The following SETD5 variants were observed in gnomAD, a reference collection of about 807,000 sequenced individuals.
SETD5 encodes histone-lysine N-methyltransferase SETD5.
SETD5 carries 44 observed loss-of-function variants against 153.3 expected under a neutral mutation model. The ratio of observed to expected loss-of-function variants is 0.29; its 90% confidence interval spans 0.23 to 0.37. The LOEUF is 0.37. SETD5 is among the 10% of genes least tolerant of loss of function. The pLI, the probability that SETD5 is intolerant of heterozygous loss-of-function variation, is 1.00. For synonymous variants in SETD5, 716 were observed against 645.2 expected (o/e 1.11, Z -1.66); for missense variants, 1,544 against 1,768.0 (o/e 0.87, Z 2.27).
At chr3:9,447,010 A>T in intron 13 of SETD5, 40 bp from the exon 14 acceptor site, 1 of 1,520,286 alleles carries the variant, frequency 6.6e-7, no homozygotes. Flanking sequence ...ACTCGTCCTC[A>T]TTTGAAGCTT....
In SETD5 at chr3:9,475,913, C is replaced by T. The variant is rs1309389362; in HGVS notation, c.4151C>T (p.Ser1384Leu). The change falls in exon 23 of 23, where the codon TCA (serine) becomes TTA (leucine). Residue 1384 changes from serine to leucine, a missense_variant. Physicochemically the swap from Ser to Leu is moderately radical, Grantham distance 145. Around this residue, in one of 9 missense-constraint regions of SETD5, gnomAD observed 302 missense variants for 277.6 expected, o/e 1.09. Coordinates refer to ENST00000402198, the MANE Select transcript of SETD5 (RefSeq NM_001080517.3). The part of the protein sequence containing the change: ...FPQNSRSSLP[S>L]DLRTISLPSA... Reference sequence around the variant, plus strand: ...CAGAACTCTAGGTCGTCATTGCCATCAGACTTACGGACTATCAGTCTGCCC... The same window carrying T: ...CAGAACTCTAGGTCGTCATTGCCATTAGACTTACGGACTATCAGTCTGCCC... The T allele has an allele frequency of 3.7e-6, 6 of 1,613,948 alleles. No homozygotes were observed. The highest frequency in any genetic ancestry group is 5.1e-6 in the Non-Finnish European group (6 of 1,179,914).
Position 9,434,535 on chromosome 3 carries a change from T to C in SETD5, c.329+50T>C, listed in dbSNP as rs1390063359. ...TAAGTCTGGGTTGCTGGGATTAGGGTTTCTTACAAGTAGGGAAAAGCTCAA... is the reference window on the plus strand; with the variant it reads ...TAAGTCTGGGTTGCTGGGATTAGGGCTTCTTACAAGTAGGGAAAAGCTCAA... On this transcript the variant is annotated intron_variant, in intron 5 of 22. Transcript: ENST00000402198. This position sits in a 1 kb window ranked among gnomAD's most constrained non-coding sequence, Gnocchi z 5.6. 6.2e-7 allele frequency: 1 copy of C among 1,610,160 alleles called. No individual in the cohort carries two copies. The highest frequency in any genetic ancestry group is 1.7e-5 in the Admixed American group (1 of 59,606).
At chr3:9,425,923 G>T (rs754749400) in intron 2 of SETD5, among the ~76,000 whole-genome samples, 1 of 152,112 alleles carries the variant, frequency 6.6e-6, no homozygotes, top group African/African-American at 2.4e-5. Flanking sequence ...GGGAGGTACG[G>T]TGATAATCAG....
In SETD5 at chr3:9,437,814, C is replaced by G. The variant is rs569640293; in HGVS notation, c.567+1908C>G. ...GGTCAGGAATTCAAGACCAGCCTGGCCAACATGGTGAAACCCCATCTCTAC... is the reference window on the plus strand; with the variant it reads ...GGTCAGGAATTCAAGACCAGCCTGGGCAACATGGTGAAACCCCATCTCTAC... On this transcript the variant is annotated intron_variant, in intron 7 of 22. Transcript: ENST00000402198. Among the ~76,000 whole-genome samples, 5 of 152,034 alleles carry G rather than the reference C, an allele frequency of 3.3e-5. No homozygotes were observed. In the South Asian group the frequency reaches 1.0e-3, roughly 32 times the overall value.
chr3:9,457,004 G>C (rs7624635), intron 17 of SETD5, among the ~76,000 whole-genome samples: 1 of 151,284 alleles, frequency 6.6e-6, no homozygotes, highest in East Asian at 1.9e-4. Flanking sequence ...AAGAGAGGGA[G>C]GGAAGAAAGA....
chr3:9,472,690 C>G (rs1387407835), intron 19 of SETD5, among the ~76,000 whole-genome samples: 1 of 151,610 alleles, frequency 6.6e-6, no homozygotes, highest in Non-Finnish European at 1.5e-5. Context: ...GTTTTTCCTT[C>G]TCTCTCTCCC....
In SETD5 at chr3:9,428,901, G is replaced by A; in HGVS notation, c.-38G>A. 6.4e-7 allele frequency: 1 copy of A among 1,552,226 alleles called. No homozygotes were observed. The highest frequency in any genetic ancestry group is 8.9e-7 in the Non-Finnish European group (1 of 1,129,114). On this transcript the variant is annotated 5_prime_UTR_variant, in exon 3 of 23. An upstream open reading frame in the 5' UTR gains an earlier in-frame stop. Coordinates refer to ENST00000402198, the MANE Select transcript of SETD5 (RefSeq NM_001080517.3). Reference sequence around the variant, plus strand: ...TCAGAGTGGTCAGTCTCCATTAATTGGACCCCGTGATTTCCAATCTCTGCT... The same window carrying A: ...TCAGAGTGGTCAGTCTCCATTAATTAGACCCCGTGATTTCCAATCTCTGCT...
intron 3 of SETD5, 96 bp from the exon 4 acceptor site, chr3:9,433,749 T>C: frequency 8.0e-7 from 1 of 1,250,036 alleles, no homozygotes; most frequent in Non-Finnish European, 1.2e-6. Flanking sequence ...GGCTAGTGGT[T>C]GTGGAAAGAG....
intron 8 of SETD5, among the ~76,000 whole-genome samples, 183 bp downstream of exon 8, chr3:9,440,881 AT>A (rs919712748): frequency 6.6e-6 from 1 of 152,162 alleles, no homozygotes; most frequent in African/African-American, 2.4e-5. Context: ...CTGGATACAT[AT>A]TTTTAAACTA....
chr3:9,408,236 T>G lies in SETD5; in HGVS notation c.-177+10259T>G, dbSNP rs559307872. On this transcript the variant is annotated intron_variant, in intron 1 of 22. Transcript: ENST00000402198. Reference sequence around the variant, plus strand: ...ATAGAGCTCTTCTTATTCTGGAGTCTCCTGTGCTGCGATTTATCTGTTGAC... The same window carrying G: ...ATAGAGCTCTTCTTATTCTGGAGTCGCCTGTGCTGCGATTTATCTGTTGAC... 4.6e-5 allele frequency among the ~76,000 whole-genome samples: 7 copies of G among 152,330 alleles called. No individual in the cohort carries two copies. In the East Asian group the frequency reaches 1.3e-3, roughly 29 times the overall value.
At chr3:9,450,362 G>A (rs2042475841) in intron 16 of SETD5, among the ~76,000 whole-genome samples, 1 of 152,154 alleles carries the variant, frequency 6.6e-6, no homozygotes, top group East Asian at 1.9e-4. Context: ...AAGAGTTTAG[G>A]CTGCATACAC....
At chr3:9,410,879 T>C (rs1440554217) in intron 1 of SETD5, among the ~76,000 whole-genome samples, 3 of 149,702 alleles carry the variant, frequency 2.0e-5, no homozygotes, top group African/African-American at 2.5e-5. Context: ...AAAATTCTCT[T>C]TTTTTTTTTC....
rs549942378 is a variant in SETD5, at chr3:9,456,455, G to A, written c.2476+2587G>A. 8.6e-4 allele frequency among the ~76,000 whole-genome samples: 128 copies of A among 149,360 alleles called. 1 individual carries two copies. The highest frequency in any genetic ancestry group is 9.9e-5 in the African/African-American group (4 of 40,256). ...GCCACTCCACTCCAGCCTGGGTGAC[G>A]GAGGGAGATTCTGTCTTTAAAACTT... On this transcript the variant is annotated intron_variant, in intron 17 of 22. Coordinates refer to ENST00000402198, the MANE Select transcript of SETD5 (RefSeq NM_001080517.3).
At chr3:9,468,400 A>G (rs1575592442) in intron 18 of SETD5, 2 of 700,080 alleles carry the variant, frequency 2.9e-6, no homozygotes, top group East Asian at 1.4e-4. Flanking sequence ...TTCTTATTCA[A>G]CTTCCCCGCC....
In SETD5 at chr3:9,457,746, T is replaced by C. The variant is rs1205634616; in HGVS notation, c.2476+3878T>C. 2.7e-5 allele frequency among the ~76,000 whole-genome samples: 4 copies of C among 149,638 alleles called. No homozygotes were observed. The South Asian group carries it at 6.2e-4, about 23-fold the overall frequency. On this transcript the variant is annotated intron_variant, in intron 17 of 22. Transcript: ENST00000402198. ...AGGAAATGGAAATTTCTTTTTCTTT[T>C]TTTTTTTTTCATGAATCATACGTGA...
At chr3:9,410,877 C>CTTTTTTTTTT (rs34787440) in intron 1 of SETD5, among the ~76,000 whole-genome samples, 3 of 146,110 alleles carry the variant, frequency 2.1e-5, no homozygotes, top group African/African-American at 2.5e-5. Flanking sequence ...TAAAAATTCT[C>CTTTTTTTTTT]TTTTTTTTTT....
intron 17 of SETD5, 151 bp downstream of exon 17, chr3:9,454,019 C>A: frequency 1.1e-6 from 1 of 890,398 alleles, no homozygotes; most frequent in Non-Finnish European, 1.5e-6. Flanking sequence ...AGAGAGAGAT[C>A]TCAAGTCAGG....
At chr3:9,410,556 C>T (rs1008285864) in intron 1 of SETD5, among the ~76,000 whole-genome samples, 5 of 152,148 alleles carry the variant, frequency 3.3e-5, no homozygotes, top group South Asian at 2.1e-4. Flanking sequence ...GTGAAATTTA[C>T]GAAGCTGGGT....
intron 15 of SETD5, 82 bp from the exon 16 acceptor site, chr3:9,448,306 C>G: frequency 6.5e-7 from 1 of 1,528,256 alleles, no homozygotes; most frequent in Non-Finnish European, 8.8e-7. Flanking sequence ...TCCTCCTGTC[C>G]TAGTTTCTAG....
Sources: gnomAD v4.1 joint callset for allele counts (sites outside exome capture counted in the v4.1 genomes callset) on GRCh38, gnomAD v4.1.1 for gene constraint, gnomAD v4.1.1 regional missense constraint, Gnocchi (gnomAD v3.1) non-coding constraint, MANE v1.5 for transcripts, NCBI Gene and HGNC (gene_info 2026-07-23, HGNC 2026-07-21) for gene names.